MYSM1: variants seen among roughly 807,000 people sequenced by gnomAD.
MYSM1 encodes Myb like, SWIRM and MPN domains 1.
MYSM1 carries 51 observed loss-of-function variants against 116.0 expected under a neutral mutation model. That is an observed-to-expected ratio of 0.44 (90% CI 0.35 to 0.56). MYSM1 has a LOEUF of 0.56. Among genes scored for constraint, MYSM1 ranks in the 20% least tolerant of loss-of-function variants. The probability of loss-of-function intolerance (pLI) is 0.00; values close to 1 mark genes in which losing one functional copy is unlikely to be tolerated. For synonymous variants in MYSM1, 313 were observed against 315.2 expected, an observed-to-expected ratio of 0.99 and a Z score of 0.07; for missense variants, 900 against 974.9, an observed-to-expected ratio of 0.92 and a Z score of 1.02.
chr1:58,677,908 TATA>T (rs749498979), intron 8 of MYSM1, among the ~76,000 whole-genome samples: 2 of 152,260 alleles, frequency 1.3e-5, no homozygotes, highest in Non-Finnish European at 2.9e-5. Flanking sequence ...AGGATTCAAG[TATA>T]GATATTATAA....
rs1644921991 is a variant in MYSM1 at position 58,692,868 on chromosome 1, CCAA to C, written c.208_210del (p.Leu70del). ...ATAATCATTAAAGGATACTCTTCTT[CCAA>C]CAACATTTTCTCAATAACAGCTCTG... On this transcript the variant is annotated inframe_deletion, in exon 3 of 20. Coordinates refer to ENST00000472487, the MANE Select transcript of MYSM1 (RefSeq NM_001085487.3). 1.2e-6 allele frequency: 2 copies of C among 1,608,954 alleles called. No homozygotes were observed. The highest frequency in any genetic ancestry group is 1.3e-5 in the African/African-American group (1 of 74,782).
At position 58,660,166 on chromosome 1, in the gene MYSM1, A is replaced by C. The variant is rs757453885; in HGVS notation, c.2329-11T>G. 6.6e-7 allele frequency: 1 copy of C among 1,509,138 alleles called. No homozygotes were observed. The highest frequency in any genetic ancestry group is 8.9e-7 in the Non-Finnish European group (1 of 1,127,668). 93.5% of individuals were successfully genotyped at this position (1,509,138 alleles called of 1,614,324 possible). A position where few individuals can be genotyped will look rare whatever the true frequency, so the allele number is the denominator to read the frequency against. On this transcript the variant is annotated splice_polypyrimidine_tract_variant and intron_variant, in intron 19 of 19. Coordinates refer to ENST00000472487, the MANE Select transcript of MYSM1 (RefSeq NM_001085487.3). ...CATACACTCCAAAAGCTAGTTGAAAAGAAAAGTTTTATATTTAAATACAGA... is the reference window on the plus strand; with the variant it reads ...CATACACTCCAAAAGCTAGTTGAAACGAAAAGTTTTATATTTAAATACAGA...
intron 17 of MYSM1, among the ~76,000 whole-genome samples, chr1:58,664,334 C>T (rs1434546502): frequency 6.6e-6 from 1 of 152,070 alleles, no homozygotes; most frequent in Non-Finnish European, 1.5e-5. Flanking sequence ...ATGGACATTC[C>T]AGACTAAAAG....
chr1:58,668,604 C>G lies in MYSM1; in HGVS notation c.1767+28G>C, dbSNP rs766903366. 92 of 1,578,766 alleles carry G rather than the reference C, an allele frequency of 5.8e-5. 1 individual carries two copies. Among genetic ancestry groups the G allele is most frequent in the Non-Finnish European group, 6.4e-5 (75 of 1,164,498 alleles). On this transcript the variant is annotated intron_variant, in intron 14 of 19. Transcript: ENST00000472487. ...TACACAAGAGTAGAAATCAGAATAA[C>G]TAAGTAAACACAATAGATTATCCTT...
chr1:58,699,947 C>A (rs768690192), intron 1 of MYSM1, 38 bp downstream of exon 1: 46 of 1,612,502 alleles, frequency 2.9e-5, no homozygotes, highest in African/African-American at 4.0e-5. Context: ...AATCCACTCC[C>A]CTCTCCGCCC....
chr1:58,674,975 GT>G (rs533749810), intron 10 of MYSM1, among the ~76,000 whole-genome samples: 2 of 141,534 alleles, frequency 1.4e-5, no homozygotes, highest in Non-Finnish European at 3.1e-5. Context: ...ATTTTTATTT[GT>G]TTTTTTTTCC....
At chr1:58,673,744 A>G (rs905663650) in intron 10 of MYSM1, 94 bp from the exon 11 acceptor site, 1 of 1,015,184 alleles carries the variant, frequency 9.9e-7, no homozygotes, top group African/African-American at 1.6e-5. Context: ...TAATTATCTA[A>G]AAGTCAATTA....
rs116220878 is a variant in MYSM1, at chr1:58,659,638, A to G, written c.*359T>C. 1,694 of 160,110 alleles carry G rather than the reference A, an allele frequency of 0.011. 21 individuals are homozygous for G. The highest frequency in any genetic ancestry group is 0.017 in the Non-Finnish European group (1,248 of 73,670). The allele number at this position is 160,110 out of a possible 1,614,324, so 9.9% of individuals were successfully genotyped here. A position where few individuals can be genotyped will look rare whatever the true frequency, so the allele number is the denominator to read the frequency against. ...GCTTTTAAATGAAATAGGAGATACC[A>G]CAATGGAACATAAATGACTAGTTCA... On this transcript the variant is annotated 3_prime_UTR_variant, in exon 20 of 20. Transcript: ENST00000472487.
At chr1:58,665,407 A>C in intron 17 of MYSM1, 92 bp downstream of exon 17, 1 of 1,023,640 alleles carries the variant, frequency 9.8e-7, no homozygotes, top group Non-Finnish European at 1.4e-6. Flanking sequence ...TCTTGCATTA[A>C]ATAATTTTAA....
At chr1:58,667,826 T>C in intron 15 of MYSM1, 21 bp downstream of exon 15, 1 of 1,490,516 alleles carries the variant, frequency 6.7e-7, no homozygotes, top group Non-Finnish European at 9.4e-7. Context: ...CTAAAACATT[T>C]TTTTAAAAGA....
intron 8 of MYSM1, among the ~76,000 whole-genome samples, chr1:58,677,998 C>T (rs1353717441): frequency 6.6e-6 from 1 of 152,024 alleles, no homozygotes; most frequent in Non-Finnish European, 1.5e-5. Context: ...ATATATTGTT[C>T]TAAGCACTAG....
intron 6 of MYSM1, among the ~76,000 whole-genome samples, chr1:58,688,449 A>T (rs940987506): frequency 3.3e-5 from 5 of 151,580 alleles, no homozygotes; most frequent in African/African-American, 7.3e-5. Context: ...ATTTTTTTTT[A>T]AAGTTTCTTC....
chr1:58,686,433 A>G (rs2100662082), intron 6 of MYSM1, among the ~76,000 whole-genome samples: 1 of 152,348 alleles, frequency 6.6e-6, no homozygotes, highest in East Asian at 1.9e-4. Context: ...TGAAAAAAAC[A>G]AAAAACTAGC....
intron 1 of MYSM1, chr1:58,699,664 G>A (rs1645034039): frequency 2.0e-6 from 2 of 985,284 alleles, no homozygotes; most frequent in Admixed American, 6.2e-5. Context: ...AGTTACTGTC[G>A]ATGAGATCCT....
intron 12 of MYSM1, among the ~76,000 whole-genome samples, chr1:58,669,442 T>C (rs1644522835): frequency 6.6e-6 from 1 of 152,196 alleles, no homozygotes; most frequent in South Asian, 2.1e-4. Context: ...GTGCCCACTA[T>C]AGAATAGGAA....
At chr1:58,685,354 A>T in intron 6 of MYSM1, 103 bp from the exon 7 acceptor site, 1 of 690,682 alleles carries the variant, frequency 1.4e-6, no homozygotes, top group Non-Finnish European at 2.4e-6. Context: ...AAAAAAATAC[A>T]TCTTTATTTT....
At position 58,682,456 on chromosome 1, in the gene MYSM1, C is replaced by T; in HGVS notation, c.588G>A (p.Trp196Ter). 1 of 1,614,132 alleles carries T rather than the reference C, an allele frequency of 6.2e-7. No individual in the cohort carries two copies. The highest frequency in any genetic ancestry group is 8.5e-7 in the Non-Finnish European group (1 of 1,180,022). Residue 196 changes from tryptophan (W) to a stop codon, truncating the protein, a stop_gained, in exon 8 of 20, where the codon TGG (tryptophan) becomes TGA (stop). Transcript: ENST00000472487. LOFTEE classifies it high-confidence loss of function. ...CACGTCCCCTTAAACATGATGGTGT[C>T]CATGCCTTTGTCCCTTTATCTTCAT... ...VKNEDKGTKA[W>*]TPSCLRGRAD...
In MYSM1 at chr1:58,660,172, G is replaced by T; in HGVS notation, c.2329-17C>A. ...CTCCAAAAGCTAGTTGAAAAGAAAA[G>T]TTTTATATTTAAATACAGAAAAAGT... On this transcript the variant is annotated splice_polypyrimidine_tract_variant and intron_variant, in intron 19 of 19. Coordinates refer to ENST00000472487, the MANE Select transcript of MYSM1 (RefSeq NM_001085487.3). 1 of 1,484,644 alleles carries T rather than the reference G, an allele frequency of 6.7e-7. No individual in the cohort carries two copies. The highest frequency in any genetic ancestry group is 9.0e-7 in the Non-Finnish European group (1 of 1,112,272). The allele number at this position is 1,484,644 out of a possible 1,614,324, so 92.0% of individuals were successfully genotyped here. A position where few individuals can be genotyped will look rare whatever the true frequency, so the allele number is the denominator to read the frequency against.
At chr1:58,696,462 C>G (rs948526015) in intron 1 of MYSM1, among the ~76,000 whole-genome samples, 1 of 152,154 alleles carries the variant, frequency 6.6e-6, no homozygotes, top group East Asian at 1.9e-4. Context: ...TCAGTGGCAC[C>G]ACCATCTCCG....
Sources: gnomAD v4.1 joint callset for allele counts (sites outside exome capture counted in the v4.1 genomes callset) on GRCh38, gnomAD v4.1.1 for gene constraint, MANE v1.5 for transcripts, NCBI Gene and HGNC (gene_info 2026-07-23, HGNC 2026-07-21) for gene names.